NCAPG: variants seen among roughly 807,000 people sequenced by gnomAD.
NCAPG encodes condensin complex subunit 3.
In NCAPG, 69 loss-of-function variants were observed where a neutral mutation model predicts 113.1. The ratio of observed to expected loss-of-function variants is 0.61; its 90% confidence interval spans 0.50 to 0.75. NCAPG has a LOEUF of 0.75. Among genes scored for constraint, NCAPG ranks in the 30% least tolerant of loss-of-function variants. The probability of loss-of-function intolerance (pLI) is 0.00; values close to 1 mark genes in which losing one functional copy is unlikely to be tolerated. For synonymous variants in NCAPG, 370 were observed against 415.8 expected (o/e 0.89, Z 1.34); for missense variants, 1,058 against 1,177.0 (o/e 0.90, Z 1.48).
rs1322460151 is a variant in NCAPG, at chr4:17,840,205, A to C, written c.2763A>C (p.Glu921Asp). Residue 921 changes from glutamate (E) to aspartate (D), a missense_variant, in exon 18 of 21, where the codon GAA becomes GAC. Glu to Asp is a conservative substitution (Grantham distance 45). Transcript: ENST00000251496. The part of the protein sequence containing the change: ...ATLTTTTFQN[E>D]DEKNKEVYMT... ...TGACTACAACTACTTTCCAAAATGA[A>C]GATGGTAATCACATACTGAACAGAA... is the stretch of plus-strand genomic sequence containing the variant. 1 of 1,597,102 alleles carries C rather than the reference A, an allele frequency of 6.3e-7. No individual in the cohort carries two copies. The highest frequency in any genetic ancestry group is 1.4e-5 in the African/African-American group (1 of 73,792).
chr4:17,831,248 A>G, intron 13 of NCAPG, 132 bp downstream of exon 13: 1 of 1,024,028 alleles, frequency 9.8e-7, no homozygotes, highest in South Asian at 2.0e-5. Flanking sequence ...TGGAGACACA[A>G]TACTTTTATC....
chr4:17,814,727 A>C, intron 3 of NCAPG, 126 bp from the exon 4 acceptor site: 1 of 1,075,662 alleles, frequency 9.3e-7, no homozygotes, highest in Non-Finnish European at 1.3e-6. Context: ...TATAGGCAGT[A>C]GCCATCATGC....
At position 17,834,443 on chromosome 4, in the gene NCAPG, G is replaced by A. The variant is rs141808299; in HGVS notation, c.2029G>A (p.Glu677Lys). The change falls in exon 14 of 21, where the codon GAG (glutamate) becomes AAG (lysine). Residue 677 changes from glutamate to lysine, a missense_variant. Transcript: ENST00000251496. The part of the protein sequence containing the change: ...CEGTEINSDD[E>K]QESKEVEETA... ...AGGTACAGAAATAAACAGTGATGAT[G>A]AGCAAGAATCAAAAGAAGTTGAAGA... 4.1e-5 allele frequency: 66 copies of A among 1,611,236 alleles called. No individual in the cohort carries two copies. The highest frequency in any genetic ancestry group is 3.3e-4 in the South Asian group (30 of 90,706).
chr4:17,829,398 A>G (rs1255901518), intron 12 of NCAPG, among the ~76,000 whole-genome samples: 2 of 152,230 alleles, frequency 1.3e-5, no homozygotes, highest in African/African-American at 4.8e-5. Context: ...CTGGAGAAAT[A>G]CTGTTTTGTA....
chr4:17,811,229 C>T lies in NCAPG; in HGVS notation c.111+41C>T. On this transcript the variant is annotated intron_variant, in intron 1 of 20. Transcript: ENST00000251496. This position sits in a 1 kb window ranked among gnomAD's most constrained non-coding sequence, Gnocchi z 5.3. Reference sequence around the variant, plus strand: ...CCCGGCCGCCGCCTCTCGCCCGCCCCGGCCCACCCTCCCTCAGGGGCCCTC... The same window carrying T: ...CCCGGCCGCCGCCTCTCGCCCGCCCTGGCCCACCCTCCCTCAGGGGCCCTC... 7.6e-7 allele frequency: 1 copy of T among 1,312,240 alleles called. No individual in the cohort carries two copies. Among genetic ancestry groups the T allele is most frequent in the East Asian group, 3.0e-5 (1 of 33,400 alleles). The allele number at this position is 1,312,240 out of a possible 1,614,324, so 81.3% of individuals were successfully genotyped here. A position where few individuals can be genotyped will look rare whatever the true frequency, so the allele number is the denominator to read the frequency against.
At chr4:17,833,487 TGTTGTTG>T (rs1268559270) in intron 13 of NCAPG, among the ~76,000 whole-genome samples, 1 of 111,694 alleles carries the variant, frequency 9.0e-6, no homozygotes, top group South Asian at 3.6e-4. Context: ...TATATATTTT[TGTTGTTG>T]TTGTTGTTGT....
intron 7 of NCAPG, among the ~76,000 whole-genome samples, chr4:17,819,426 G>A (rs957812041): frequency 1.3e-5 from 2 of 149,504 alleles, no homozygotes; most frequent in African/African-American, 2.5e-5. Context: ...TTTTTGAGAC[G>A]GAGTCTTGCT....
intron 6 of NCAPG, 108 bp downstream of exon 6, chr4:17,817,561 A>T: frequency 1.3e-5 from 11 of 850,252 alleles, no homozygotes; most frequent in East Asian, 2.8e-5. Context: ...TTTAATCTTA[A>T]CTCTCTTTTG....
intron 17 of NCAPG, 52 bp from the exon 18 acceptor site, chr4:17,840,019 A>G: frequency 6.5e-7 from 1 of 1,549,030 alleles, no homozygotes; most frequent in South Asian, 1.3e-5. Context: ...ACTATTTTCA[A>G]AGATTAGGGA....
In NCAPG at chr4:17,843,341, G is replaced by A. The variant is rs1722610898; in HGVS notation, c.2964G>A (p.Met988Ile). 2.5e-6 allele frequency: 4 copies of A among 1,611,962 alleles called. No individual in the cohort carries two copies. The highest frequency in any genetic ancestry group is 3.4e-6 in the Non-Finnish European group (4 of 1,178,330). Reference sequence around the variant, plus strand: ...CAGAACCAGAATCAGAAATGAAGATGAGACTACCAAGACGAGCCAAAACCG... The same window carrying A: ...CAGAACCAGAATCAGAAATGAAGATAAGACTACCAAGACGAGCCAAAACCG... Reference protein sequence around the residue: ...EVPEPESEMKMRLPRRAKTAA... With the variant: ...EVPEPESEMKIRLPRRAKTAA... Residue 988 changes from methionine (M) to isoleucine (I), a missense_variant, in exon 21 of 21, where the codon ATG becomes ATA. Physicochemically the swap from Met to Ile is conservative, Grantham distance 10 (BLOSUM62 1). Transcript: ENST00000251496.
Position 17,815,289 on chromosome 4 carries a change from G to T in NCAPG, c.706G>T (p.Val236Phe). Residue 236 changes from valine (V) to phenylalanine (F), a missense_variant, in exon 5 of 21, where the codon GTT becomes TTT. Val to Phe is a conservative substitution (Grantham distance 50, BLOSUM62 -1). Coordinates refer to ENST00000251496, the MANE Select transcript of NCAPG (RefSeq NM_022346.5). ...TATTTTTAAGGTTTTAGCTGAAAAG[G>T]TTCATATGAGAGCTATGTCCATTGC... ...KLAYQVLAEKVHMRAMSIAQR... is the reference protein window; with the variant it reads ...KLAYQVLAEKFHMRAMSIAQR... 6.3e-7 allele frequency: 1 copy of T among 1,599,544 alleles called. No homozygotes were observed. The highest frequency in any genetic ancestry group is 8.5e-7 in the Non-Finnish European group (1 of 1,176,504).
At chr4:17,812,177 A>AT in intron 1 of NCAPG, 44 bp from the exon 2 acceptor site, 1 of 1,478,276 alleles carries the variant, frequency 6.8e-7, no homozygotes, top group African/African-American at 1.4e-5. Flanking sequence ...GGAATAAAGG[A>AT]TTTTTATCGG....
intron 7 of NCAPG, among the ~76,000 whole-genome samples, chr4:17,819,514 G>T (rs918539641): frequency 6.6e-6 from 1 of 151,444 alleles, no homozygotes; most frequent in Non-Finnish European, 1.5e-5. Context: ...CGATTCTCTT[G>T]CCTCAGCCTC....
intron 2 of NCAPG, 130 bp from the exon 3 acceptor site, chr4:17,812,787 T>C (rs528346415): frequency 8.4e-5 from 62 of 737,104 alleles, no homozygotes; most frequent in Admixed American, 7.9e-4. Flanking sequence ...AAGGTAGCAT[T>C]ATAGGTTCTC....
intron 12 of NCAPG, among the ~76,000 whole-genome samples, chr4:17,829,242 C>T (rs989172394): frequency 2.0e-5 from 3 of 152,090 alleles, no homozygotes; most frequent in Admixed American, 6.6e-5. Flanking sequence ...CTGTATGTAG[C>T]CAGGTTCTTA....
In NCAPG at chr4:17,811,202, G is replaced by T; in HGVS notation, c.111+14G>T. 6.9e-7 allele frequency: 1 copy of T among 1,440,056 alleles called. No individual in the cohort carries two copies. The highest frequency in any genetic ancestry group is 9.2e-7 in the Non-Finnish European group (1 of 1,085,604). 89.2% of individuals were successfully genotyped at this position (1,440,056 alleles called of 1,614,324 possible). ...ACCTACCGCACGGTAAGCGCTCCCG[G>T]CCCCGGCCGCCGCCTCTCGCCCGCC... is the stretch of plus-strand genomic sequence containing the variant. On this transcript the variant is annotated intron_variant, in intron 1 of 20. Coordinates refer to ENST00000251496, the MANE Select transcript of NCAPG (RefSeq NM_022346.5). This position sits in a 1 kb window ranked among gnomAD's most constrained non-coding sequence, Gnocchi z 5.3.
At chr4:17,813,329 C>T in intron 3 of NCAPG, 184 bp downstream of exon 3, 1 of 447,402 alleles carries the variant, frequency 2.2e-6, no homozygotes, top group Admixed American at 4.0e-5. Flanking sequence ...TACTTGCATC[C>T]TATCCCAGTT....
rs913147294 is a variant in NCAPG, at chr4:17,817,257, A to G, written c.776-4A>G. ...GTTCACCTATGTTTCAAATGACTCA[A>G]TAGATGCTGTGAAACAAGCTATGCA... is the stretch of plus-strand genomic sequence containing the variant. On this transcript the variant is annotated splice_polypyrimidine_tract_variant and splice_region_variant and intron_variant, in intron 5 of 20. Transcript: ENST00000251496. The G allele has an allele frequency of 2.3e-5, 37 of 1,609,972 alleles. No individual in the cohort carries two copies. Among genetic ancestry groups the G allele is most frequent in the East Asian group, 4.5e-5 (2 of 44,842 alleles).
chr4:17,819,114 G>A (rs1721341041), intron 7 of NCAPG, among the ~76,000 whole-genome samples: 1 of 151,738 alleles, frequency 6.6e-6, no homozygotes, highest in Middle Eastern at 3.4e-3. Context: ...TGATAACTGA[G>A]ATCATTATAT....
Sources: allele counts gnomAD v4.1 joint callset (sites outside exome capture counted in the v4.1 genomes callset), GRCh38; gene constraint gnomAD v4.1.1; non-coding constraint Gnocchi (gnomAD v3.1); transcripts MANE v1.5; gene names NCBI Gene and HGNC (gene_info 2026-07-23, HGNC 2026-07-21).